Variants in TAS2R31 observed in about 807,000 individuals in gnomAD.
TAS2R31 encodes the protein taste receptor type 2 member 31.
For synonymous variants in TAS2R31, 118 were observed against 131.4 expected (o/e 0.90, Z 0.70); for missense variants, 352 against 347.4 (o/e 1.01, Z -0.10).
rs770943417 is a variant in TAS2R31 at position 11,030,990 on chromosome 12, G to A, written c.346C>T (p.Leu116Phe). ...YLLKIANFSN[L>F]IFLHLKRRVK... ...CTCCTCTTTAAGTGAAGAAAAATAA[G>A]GTTGGAGAAATTGGCAATCTTGAGC... is the stretch of plus-strand genomic sequence containing the variant. Residue 116 changes from leucine to phenylalanine, a missense_variant, in exon 1 of 1, where the codon CTT becomes TTT. Leu to Phe is a conservative substitution (Grantham distance 22). Transcript: ENST00000390675. 6.2e-6 allele frequency: 10 copies of A among 1,614,300 alleles called. No individual in the cohort carries two copies. Among genetic ancestry groups the A allele is most frequent in the Middle Eastern group, 3.3e-4 (2 of 6,062 alleles).
rs368509785 is a variant in TAS2R31, at chr12:11,030,789, C to T, written c.547G>A (p.Gly183Arg). ...GTCAGAGTGAAGGGCACTAAGTTTC[C>T]TAGCGTGGTTACAGTCGCATCTGAA... ...YLSDATVTTL[G>R]NLVPFTLTLL... Residue 183 changes from glycine (G) to arginine (R), a missense_variant, in exon 1 of 1, where the codon GGA becomes AGA. Physicochemically the swap from Gly to Arg is moderately radical, Grantham distance 125 (BLOSUM62 -2). Transcript: ENST00000390675. The T allele has an allele frequency of 6.2e-7, 1 of 1,614,044 alleles. No individual in the cohort carries two copies. The highest frequency in any genetic ancestry group is 8.5e-7 in the Non-Finnish European group (1 of 1,180,016).
In TAS2R31 at chr12:11,030,765, T is replaced by G. The variant is rs754703961; in HGVS notation, c.571A>C (p.Thr191Pro). Residue 191 changes from threonine to proline, a missense_variant, in exon 1 of 1, where the codon ACC becomes CCC. Physicochemically the swap from Thr to Pro is conservative, Grantham distance 38. Transcript: ENST00000390675. ...TLGNLVPFTL[T>P]LLCFLLLICS... ...ATTAACAGCAAAAAACATAGCAGGGTCAGAGTGAAGGGCACTAAGTTTCCT... is the reference window on the plus strand; with the variant it reads ...ATTAACAGCAAAAAACATAGCAGGGGCAGAGTGAAGGGCACTAAGTTTCCT... 38 of 1,614,098 alleles carry G rather than the reference T, an allele frequency of 2.4e-5. No individual in the cohort carries two copies. Among genetic ancestry groups the G allele is most frequent in the Non-Finnish European group, 3.1e-5 (37 of 1,180,016 alleles).
rs763260679 is a variant in TAS2R31, at chr12:11,030,957, T to G, written c.379A>C (p.Ser127Arg). ...CCCAACAGCATCACCAGAATGACAC[T>G]CTTAACTCTCCTCTTTAAGTGAAGA... ...IFLHLKRRVK[S>R]VILVMLLGPL... The change falls in exon 1 of 1, where the codon AGT (serine) becomes CGT (arginine). Residue 127 changes from serine to arginine, a missense_variant. Coordinates refer to ENST00000390675, the MANE Select transcript of TAS2R31 (RefSeq NM_176885.2). 5.0e-6 allele frequency: 8 copies of G among 1,614,166 alleles called. No individual in the cohort carries two copies. The South Asian group carries it at 7.7e-5, about 16-fold the overall frequency.
Position 11,030,414 on chromosome 12 carries a change from A to G in TAS2R31, c.922T>C (p.Ser308Pro). 6.2e-7 allele frequency: 1 copy of G among 1,613,756 alleles called. No individual in the cohort carries two copies. Among genetic ancestry groups the G allele is most frequent in the Non-Finnish European group, 8.5e-7 (1 of 1,179,778 alleles). The change falls in exon 1 of 1, where the codon TCT (serine) becomes CCT (proline). Residue 308 changes from serine (S) to proline (P), a missense_variant. By Grantham distance (74) the Ser-to-Pro change is moderately conservative. Transcript: ENST00000390675. ...ATGCCCCTCTCATGAATCTATGGAG[A>G]TGAAGGCTTCTCTCCTTTCACCCAG... ...RYWVKGEKPSSP is the reference protein window; with the variant it reads ...RYWVKGEKPSPP
At position 11,030,730 on chromosome 12, in the gene TAS2R31, C is replaced by T; in HGVS notation, c.606G>A (p.Leu202=). Residue 202 remains leucine, a synonymous_variant, in exon 1 of 1, where the codon CTG becomes CTA. Transcript: ENST00000390675. The stretch of plus-strand genomic sequence containing the variant: ...GCTGCATCTTCTTGAGATGTTTACA[C>T]AGAGAACAGATTAACAGCAAAAAAC... ...LLCFLLLICS[L]CKHLKKMQLH... is the part of the protein sequence containing the mutation. 1 of 1,614,160 alleles carries T rather than the reference C, an allele frequency of 6.2e-7. No individual in the cohort carries two copies. The highest frequency in any genetic ancestry group is 1.1e-5 in the South Asian group (1 of 91,074).
At position 11,030,494 on chromosome 12, in the gene TAS2R31, C is replaced by A. The variant is rs1277471958; in HGVS notation, c.842G>T (p.Trp281Leu). The A allele has an allele frequency of 1.9e-6, 3 of 1,614,124 alleles. No homozygotes were observed. The African/African-American group carries it at 4.0e-5, about 22-fold the overall frequency. Residue 281 changes from tryptophan to leucine, a missense_variant, in exon 1 of 1, where the codon TGG becomes TTG. Trp to Leu is a moderately conservative substitution (Grantham distance 61). Coordinates refer to ENST00000390675, the MANE Select transcript of TAS2R31 (RefSeq NM_176885.2). ...YPSIHPFILI[W>L]GNKKLKQTFL... Reference sequence around the variant, plus strand: ...AGTCTGCTTTAGCTTCTTGTTTCCCCAAATCAGGATGAATGGGTGGATTGA... The same window carrying A: ...AGTCTGCTTTAGCTTCTTGTTTCCCAAAATCAGGATGAATGGGTGGATTGA...
Position 11,030,439 on chromosome 12 carries a change from G to A in TAS2R31, c.897C>T (p.Tyr299=), listed in dbSNP as rs1455884409. 3.1e-6 allele frequency: 5 copies of A among 1,614,236 alleles called. No homozygotes were observed. The highest frequency in any genetic ancestry group is 4.2e-6 in the Non-Finnish European group (5 of 1,180,022). ...ATGAAGGCTTCTCTCCTTTCACCCA[G>A]TACCTCACTTGCCGCAAAACTGAAA... ...TFLSVLRQVR[Y]WVKGEKPSSP is the part of the protein sequence containing the mutation. The change falls in exon 1 of 1, where the codon TAC becomes TAT. Residue 299 remains tyrosine (Y), a synonymous_variant. Transcript: ENST00000390675.
chr12:11,030,646 A>C lies in TAS2R31; in HGVS notation c.690T>G (p.Thr230=). The change falls in exon 1 of 1, where the codon ACT becomes ACG. Residue 230 remains threonine, a synonymous_variant. Transcript: ENST00000390675. The stretch of plus-strand genomic sequence containing the variant: ...CACATAACAAGAGGAAAAAGATCAC[A>C]GTTTGCAAAGCTTTTATGTGGACCT... ...STKVHIKALQ[T]VIFFLLLCAV... The C allele has an allele frequency of 6.2e-7, 1 of 1,614,220 alleles. No homozygotes were observed. The highest frequency in any genetic ancestry group is 1.1e-5 in the South Asian group (1 of 91,084).
In TAS2R31 at chr12:11,031,049, T is replaced by G. The variant is rs1371076973; in HGVS notation, c.287A>C (p.Asn96Thr). Residue 96 changes from asparagine to threonine, a missense_variant, in exon 1 of 1, where the codon AAC becomes ACC. Asn to Thr is a moderately conservative substitution (Grantham distance 65). Transcript: ENST00000390675. ...TATGCTGAGGCTAGTAGCAAGCCAG[T>G]TGCTGAAATGGCCGGTTACTGCCCA... ...NVWAVTGHFS[N>T]WLATSLSIFY... The G allele has an allele frequency of 6.2e-7, 1 of 1,614,310 alleles. No individual in the cohort carries two copies. The highest frequency in any genetic ancestry group is 8.5e-7 in the Non-Finnish European group (1 of 1,180,056).
rs1391837663 is a variant in TAS2R31 at position 11,031,225 on chromosome 12, C to A, written c.111G>T (p.Lys37Asn). Residue 37 changes from lysine to asparagine, a missense_variant, in exon 1 of 1, where the codon AAG (lysine) becomes AAT (asparagine). Transcript: ENST00000390675. ...IALVNSIERV[K>N]RQKISFADQI... The stretch of plus-strand genomic sequence containing the variant: ...GGTCAGCAAAAGAGATCTTTTGTCT[C>A]TTGACCCGCTCAATGGAATTTACCA... 6.2e-7 allele frequency: 1 copy of A among 1,614,100 alleles called. No homozygotes were observed. The highest frequency in any genetic ancestry group is 8.5e-7 in the Non-Finnish European group (1 of 1,179,966).
the TAS2R31 span, chr12:11,031,045 C>T: frequency 1.2e-6 from 2 of 1,614,284 alleles, no homozygotes; most frequent in East Asian, 2.2e-5. Context: ...TAGTAGCAAG[C>T]CAGTTGCTGA....
Position 11,031,071 on chromosome 12 carries a change from C to A in TAS2R31, c.265G>T (p.Ala89Ser). 1 of 1,614,288 alleles carries A rather than the reference C, an allele frequency of 6.2e-7. No individual in the cohort carries two copies. The highest frequency in any genetic ancestry group is 8.5e-7 in the Non-Finnish European group (1 of 1,180,058). The change falls in exon 1 of 1, where the codon GCA becomes TCA. Residue 89 changes from alanine (A) to serine (S), a missense_variant. Transcript: ENST00000390675. ...CAGTTGCTGAAATGGCCGGTTACTGCCCAGACATTATAAGCAGTAGTTCTT... is the reference window on the plus strand; with the variant it reads ...CAGTTGCTGAAATGGCCGGTTACTGACCAGACATTATAAGCAGTAGTTCTT... ...EVRTTAYNVWAVTGHFSNWLA... is the reference protein window; with the variant it reads ...EVRTTAYNVWSVTGHFSNWLA...
rs761384693 is a variant in TAS2R31 at position 11,031,214 on chromosome 12, A to T, written c.122T>A (p.Ile41Asn). 1.2e-6 allele frequency: 2 copies of T among 1,614,118 alleles called. No individual in the cohort carries two copies. Among genetic ancestry groups the T allele is most frequent in the Non-Finnish European group, 1.7e-6 (2 of 1,179,990 alleles). Reference protein sequence around the residue: ...NSIERVKRQKISFADQILTAL... With the variant: ...NSIERVKRQKNSFADQILTAL... The stretch of plus-strand genomic sequence containing the variant: ...AGTGAGAATCTGGTCAGCAAAAGAG[A>T]TCTTTTGTCTCTTGACCCGCTCAAT... Residue 41 changes from isoleucine (I) to asparagine (N), a missense_variant, in exon 1 of 1, where the codon ATC becomes AAC. Ile to Asn is a moderately radical substitution (Grantham distance 149, BLOSUM62 -3). Transcript: ENST00000390675.
In TAS2R31 at chr12:11,030,763, G is replaced by T. The variant is rs375098338; in HGVS notation, c.573C>A (p.Thr191=). 1.5e-5 allele frequency: 24 copies of T among 1,614,010 alleles called. No homozygotes were observed. The highest frequency in any genetic ancestry group is 2.0e-5 in the Non-Finnish European group (24 of 1,180,026). Residue 191 remains threonine, a synonymous_variant, in exon 1 of 1, where the codon ACC becomes ACA. Coordinates refer to ENST00000390675, the MANE Select transcript of TAS2R31 (RefSeq NM_176885.2). ...AGATTAACAGCAAAAAACATAGCAG[G>T]GTCAGAGTGAAGGGCACTAAGTTTC... The part of the protein sequence containing the change: ...TLGNLVPFTL[T]LLCFLLLICS...
rs770708061 is a variant in TAS2R31, at chr12:11,030,510, G to C, written c.826C>G (p.Pro276Ala). The change falls in exon 1 of 1, where the codon CCA (proline) becomes GCA (alanine). Residue 276 changes from proline (P) to alanine (A), a missense_variant. Transcript: ENST00000390675. ...TTGTTTCCCCAAATCAGGATGAATG[G>C]GTGGATTGAAGGATAGCTGAATCTA... is the stretch of plus-strand genomic sequence containing the variant. ...AIRFSYPSIHPFILIWGNKKL... is the reference protein window; with the variant it reads ...AIRFSYPSIHAFILIWGNKKL... The C allele has an allele frequency of 3.1e-6, 5 of 1,614,256 alleles. No homozygotes were observed. In the Admixed American group the frequency reaches 6.7e-5, roughly 22 times the overall value.
rs1289785201 is a variant in TAS2R31 at position 11,030,720 on chromosome 12, G to C, written c.616C>G (p.Leu206Val). Residue 206 changes from leucine (L) to valine (V), a missense_variant, in exon 1 of 1, where the codon CTC becomes GTC. Transcript: ENST00000390675. ...LLLICSLCKH[L>V]KKMQLHGKGS... ...TTACCATGGAGCTGCATCTTCTTGA[G>C]ATGTTTACACAGAGAACAGATTAAC... The C allele has an allele frequency of 1.2e-6, 2 of 1,614,192 alleles. No homozygotes were observed. Among genetic ancestry groups the C allele is most frequent in the Non-Finnish European group, 1.7e-6 (2 of 1,180,032 alleles).
the TAS2R31 span, chr12:11,030,439 G>C: frequency 1.2e-6 from 2 of 1,614,236 alleles, no homozygotes; most frequent in African/African-American, 1.3e-5. Context: ...CTTTCACCCA[G>C]TACCTCACTT....
Position 11,031,102 on chromosome 12 carries a change from T to C in TAS2R31, c.234A>G (p.Val78=). ...CATTATAAGCAGTAGTTCTTACTTC[T>C]ACACTATAAAAAGCTGGATTAAACA... ...STVFNPAFYS[V]EVRTTAYNVW... Residue 78 remains valine (V), a synonymous_variant, in exon 1 of 1, where the codon GTA becomes GTG. Transcript: ENST00000390675. 1 of 1,614,290 alleles carries C rather than the reference T, an allele frequency of 6.2e-7. No individual in the cohort carries two copies. Among genetic ancestry groups the C allele is most frequent in the Non-Finnish European group, 8.5e-7 (1 of 1,180,054 alleles).
rs769271194 is a variant in TAS2R31 at position 11,030,793 on chromosome 12, C to T, written c.543G>A (p.Thr181=). 3.1e-5 allele frequency: 50 copies of T among 1,614,034 alleles called. No homozygotes were observed. Among genetic ancestry groups the T allele is most frequent in the Non-Finnish European group, 4.1e-5 (48 of 1,180,016 alleles). Residue 181 remains threonine (T), a synonymous_variant, in exon 1 of 1, where the codon ACG becomes ACA. Coordinates refer to ENST00000390675, the MANE Select transcript of TAS2R31 (RefSeq NM_176885.2). The part of the protein sequence containing the change: ...AVYLSDATVT[T]LGNLVPFTLT... The stretch of plus-strand genomic sequence containing the variant: ...GAGTGAAGGGCACTAAGTTTCCTAG[C>T]GTGGTTACAGTCGCATCTGAAAGGT...
Sources: gnomAD v4.1 joint callset for allele counts on GRCh38, gnomAD v4.1.1 for gene constraint, MANE v1.5 for transcripts, NCBI Gene and HGNC (gene_info 2026-07-23, HGNC 2026-07-21) for gene names.